CCDC102B: variants seen among roughly 807,000 people sequenced by gnomAD.
CCDC102B encodes the protein coiled-coil domain-containing protein 102B.
A neutral mutation model predicts 57.4 loss-of-function variants in CCDC102B; 75 were observed. The observed-to-expected ratio is 1.31, with a 90% confidence interval of 1.08 to 1.58. CCDC102B has a LOEUF of 1.58. Among genes scored for constraint, CCDC102B ranks in the 40% most tolerant of loss-of-function variants. CCDC102B has a pLI of 0.00. For synonymous variants in CCDC102B, 206 were observed against 201.9 expected (o/e 1.02, Z -0.17); for missense variants, 636 against 582.6 (o/e 1.09, Z -0.94).
chr18:68,927,396 C>A (rs1056285793), intron 6 of CCDC102B, among the ~76,000 whole-genome samples: 1 of 151,882 alleles, frequency 6.6e-6, no homozygotes, highest in Admixed American at 6.6e-5. Context: ...ATAGAGGATA[C>A]CATTTTAATC....
chr18:68,858,595 G>C (rs2038590501), intron 4 of CCDC102B, among the ~76,000 whole-genome samples: 1 of 152,102 alleles, frequency 6.6e-6, no homozygotes, highest in Admixed American at 6.5e-5. Flanking sequence ...TGGGCTATTG[G>C]AAAAGTACTG....
Position 68,738,906 on chromosome 18 carries a change from C to G in CCDC102B, c.-67+22312C>G, listed in dbSNP as rs117493385. Among the ~76,000 whole-genome samples the G allele has an allele frequency of 8.2e-3, 1,253 of 152,096 alleles. 20 individuals are homozygous for G. The highest frequency in any genetic ancestry group is 0.051 in the East Asian group (264 of 5,152). The stretch of plus-strand genomic sequence containing the variant: ...CATTCAGCACTCCCCATGATACGCC[C>G]TTATTTTAGCCATATCTGTTTTCAC... On this transcript the variant is annotated intron_variant, in intron 2 of 3. Coordinates refer to the CCDC102B transcript ENST00000578970.
chr18:68,942,197 C>T (rs920615114), intron 6 of CCDC102B, among the ~76,000 whole-genome samples: 5 of 152,094 alleles, frequency 3.3e-5, no homozygotes, highest in African/African-American at 1.2e-4. Flanking sequence ...CACTGTAAAA[C>T]TCACAAATAT....
intron 2 of CCDC102B, among the ~76,000 whole-genome samples, chr18:68,765,936 G>A (rs567287984): frequency 6.6e-6 from 1 of 151,956 alleles, no homozygotes; most frequent in Non-Finnish European, 1.5e-5. Context: ...TATCTGGAAT[G>A]TTATGTCTTT....
chr18:68,884,042 G>T (rs1296007304), intron 5 of CCDC102B, among the ~76,000 whole-genome samples: 1 of 152,154 alleles, frequency 6.6e-6, no homozygotes, highest in African/African-American at 2.4e-5. Context: ...GTGGGGAAAA[G>T]GGAACACTCA....
At chr18:68,820,543 A>T (rs2036653032) in intron 1 of CCDC102B, among the ~76,000 whole-genome samples, 1 of 152,120 alleles carries the variant, frequency 6.6e-6, no homozygotes, top group Admixed American at 6.6e-5. Context: ...ACCTCATAAA[A>T]TGAGTTGGCA....
At chr18:68,817,964 G>C (rs937796673) in intron 1 of CCDC102B, among the ~76,000 whole-genome samples, 1 of 152,068 alleles carries the variant, frequency 6.6e-6, no homozygotes, top group African/African-American at 2.4e-5. Context: ...ATTCCTTATA[G>C]TAAAGATACA....
intron 6 of CCDC102B, among the ~76,000 whole-genome samples, chr18:68,972,234 T>C (rs2050319711): frequency 1.3e-5 from 2 of 152,266 alleles, no homozygotes; most frequent in South Asian, 2.1e-4. Context: ...TCTTCGACCA[T>C]GAAAAAAGAG....
chr18:68,765,285 AAAG>A (rs1403905133), intron 2 of CCDC102B, among the ~76,000 whole-genome samples: 8 of 95,854 alleles, frequency 8.3e-5, no homozygotes, highest in Non-Finnish European at 1.2e-4. Flanking sequence ...GAAAGAAAGA[AAAG>A]AAAGAAAGGA....
In CCDC102B at chr18:69,055,083, C is replaced by G. The variant is rs2052793817; in HGVS notation, c.*946C>G. On this transcript the variant is annotated 3_prime_UTR_variant, in exon 8 of 8. Transcript: ENST00000360242. ...TGAAGGCAACTTGTAAGATTTAACT[C>G]AGTCAATAACATACTGGTTTTACTC... 1 of 982,460 alleles carries G rather than the reference C, an allele frequency of 1.0e-6. No homozygotes were observed. The highest frequency in any genetic ancestry group is 4.7e-5 in the South Asian group (1 of 21,244). The allele number at this position is 982,460 out of a possible 1,614,324, so 60.9% of individuals were successfully genotyped here. A position where few individuals can be genotyped will look rare whatever the true frequency, so the allele number is the denominator to read the frequency against.
At chr18:69,004,718 A>G (rs1423531395) in intron 6 of CCDC102B, among the ~76,000 whole-genome samples, 2 of 152,106 alleles carry the variant, frequency 1.3e-5, no homozygotes, top group African/African-American at 4.8e-5. Context: ...TATGACCTCT[A>G]CTGGATTCTA....
At chr18:68,955,497 C>A (rs2049818939) in intron 6 of CCDC102B, among the ~76,000 whole-genome samples, 1 of 152,244 alleles carries the variant, frequency 6.6e-6, no homozygotes, top group African/African-American at 2.4e-5. Context: ...TTCTCATAGT[C>A]ATTCCACTGT....
chr18:68,844,764 A>G (rs1203993768), intron 3 of CCDC102B, among the ~76,000 whole-genome samples: 1 of 151,832 alleles, frequency 6.6e-6, no homozygotes, highest in African/African-American at 2.4e-5. Flanking sequence ...TCCTCTCATC[A>G]TCTCAAACGC....
At chr18:68,718,330 T>C (rs2145179357) in intron 2 of CCDC102B, among the ~76,000 whole-genome samples, 1 of 152,332 alleles carries the variant, frequency 6.6e-6, no homozygotes, top group South Asian at 2.1e-4. Flanking sequence ...TAAAGTGCTA[T>C]ATAGCAACGA....
At chr18:68,883,578 C>G (rs949729567) in intron 5 of CCDC102B, among the ~76,000 whole-genome samples, 1 of 152,120 alleles carries the variant, frequency 6.6e-6, no homozygotes, top group Non-Finnish European at 1.5e-5. Flanking sequence ...ACTTTTCCTA[C>G]TGTAGAGAAA....
chr18:68,975,275 G>A (rs117503459), intron 6 of CCDC102B, among the ~76,000 whole-genome samples: 437 of 151,828 alleles, frequency 2.9e-3, no homozygotes, highest in Middle Eastern at 0.017. Flanking sequence ...TCACTTTTAT[G>A]CTATGAACAT....
chr18:68,898,011 ATG>A (rs2040304248), intron 6 of CCDC102B, among the ~76,000 whole-genome samples: 1 of 152,018 alleles, frequency 6.6e-6, no homozygotes, highest in Middle Eastern at 3.2e-3. Flanking sequence ...TTAATTTTGG[ATG>A]TGTTTTATCC....
intron 6 of CCDC102B, among the ~76,000 whole-genome samples, chr18:69,006,931 T>A (rs902654160): frequency 6.6e-6 from 1 of 152,128 alleles, no homozygotes; most frequent in East Asian, 1.9e-4. Context: ...TTTAGTTAGG[T>A]TGGCCATGAG....
At chr18:68,741,223 T>G (rs967303297) in intron 2 of CCDC102B, among the ~76,000 whole-genome samples, 13 of 152,198 alleles carry the variant, frequency 8.5e-5, no homozygotes, top group Non-Finnish European at 1.9e-4. Flanking sequence ...TCAAGGCAAG[T>G]GTGTACTTAA....
Sources: allele counts gnomAD v4.1 joint callset (sites outside exome capture counted in the v4.1 genomes callset), GRCh38; gene constraint gnomAD v4.1.1; transcripts MANE v1.5; gene names NCBI Gene and HGNC (gene_info 2026-07-23, HGNC 2026-07-21).